Variants in CHD6 observed in about 807,000 individuals in gnomAD.
CHD6 encodes the protein ATP-dependent chromatin remodeler CHD6.
CHD6 carries 50 observed loss-of-function variants against 276.9 expected under a neutral mutation model. The observed-to-expected ratio is 0.18, with a 90% CI of 0.14 to 0.23. CHD6 has a LOEUF of 0.23. CHD6 is among the 10% of genes least tolerant of loss of function. CHD6 has a pLI of 1.00. For synonymous variants in CHD6, 1,173 were observed against 1,229.3 expected (o/e 0.95, Z 0.96); for missense variants, 2,564 against 3,365.8 (o/e 0.76, Z 5.89).
At chr20:41,493,440 G>T (rs1188312266) in intron 10 of CHD6, 98 bp downstream of exon 10, 1 of 1,246,196 alleles carries the variant, frequency 8.0e-7, no homozygotes, top group Admixed American at 2.1e-5. Flanking sequence ...AAATACCACA[G>T]AAACCACCTA....
At chr20:41,532,843 G>T (rs2044721743) in intron 3 of CHD6, among the ~76,000 whole-genome samples, 1 of 152,198 alleles carries the variant, frequency 6.6e-6, no homozygotes, top group African/African-American at 2.4e-5. Context: ...CTTTAGAAAT[G>T]CAATGAGAAA....
chr20:41,427,689 G>A (rs1023710812), intron 27 of CHD6, among the ~76,000 whole-genome samples: 1 of 152,186 alleles, frequency 6.6e-6, no homozygotes, highest in Non-Finnish European at 1.5e-5. Context: ...AACCTCCTTT[G>A]CCTGGGCCAG....
Position 41,421,349 on chromosome 20 carries a change from A to G in CHD6, c.5286T>C (p.Gly1762=), listed in dbSNP as rs1396408255. The G allele has an allele frequency of 6.2e-7, 1 of 1,614,008 alleles. No individual in the cohort carries two copies. The part of the protein sequence containing the change: ...AEIASGPTFM[G]SLEAGGVAQA... ...GAGCTACTCCTCCTGCTTCTAAGCT[A>G]CCCATAAAAGTAGGGCCAGAAGCTA... Residue 1762 remains glycine, a synonymous_variant, in exon 31 of 37, where the codon GGT becomes GGC. Coordinates refer to ENST00000373233, the MANE Select transcript of CHD6 (RefSeq NM_032221.5).
At position 41,508,568 on chromosome 20, in the gene CHD6, C is replaced by A. The variant is rs1191205880; in HGVS notation, c.852+4278G>T. Among the ~76,000 whole-genome samples, 2 of 152,036 alleles carry A rather than the reference C, an allele frequency of 1.3e-5. 1 individual carries two copies. The highest frequency in any genetic ancestry group is 1.3e-4 in the Admixed American group (2 of 15,262). ...GGTGGCAGCAGAAACCAAGAGGAAACAAATACAGGAAACAACCTAAAGACA... is the reference window on the plus strand; with the variant it reads ...GGTGGCAGCAGAAACCAAGAGGAAAAAAATACAGGAAACAACCTAAAGACA... On this transcript the variant is annotated intron_variant, in intron 5 of 36. Coordinates refer to ENST00000373233, the MANE Select transcript of CHD6 (RefSeq NM_032221.5).
At chr20:41,594,933 C>A (rs1483727936) in intron 1 of CHD6, among the ~76,000 whole-genome samples, 2 of 152,222 alleles carry the variant, frequency 1.3e-5, no homozygotes, top group Non-Finnish European at 2.9e-5. Context: ...CAGGTAGCAC[C>A]CTTCTGCAGA....
intron 16 of CHD6, among the ~76,000 whole-genome samples, chr20:41,478,005 C>T (rs753601573): frequency 1.8e-4 from 28 of 152,326 alleles, no homozygotes; most frequent in Non-Finnish European, 3.5e-4. Flanking sequence ...GGAGCCCTTA[C>T]TCTTTCTCAC....
intron 2 of CHD6, 147 bp from the exon 3 acceptor site, chr20:41,533,717 G>A: frequency 1.4e-6 from 1 of 727,712 alleles, no homozygotes; most frequent in South Asian, 1.9e-5. Context: ...AGGCCTTGGA[G>A]ACAGAGTGGC....
At chr20:41,459,239 T>C (rs1005982222) in intron 17 of CHD6, 1 of 152,168 alleles carries the variant, frequency 6.6e-6, no homozygotes, top group Non-Finnish European at 1.5e-5. Context: ...TTCCTATACT[T>C]AGTACTAAAG....
intron 2 of CHD6, among the ~76,000 whole-genome samples, chr20:41,541,808 C>T (rs1281925687): frequency 6.6e-6 from 1 of 152,188 alleles, no homozygotes; most frequent in Non-Finnish European, 1.5e-5. Flanking sequence ...CCCCCAAATA[C>T]TTGACTCTGT....
At chr20:41,449,488 A>G (rs11698341) in intron 23 of CHD6, among the ~76,000 whole-genome samples, 3,143 of 152,288 alleles carry the variant, frequency 0.021, 53 homozygotes, top group Non-Finnish European at 0.034. Flanking sequence ...ATTGAAAGCC[A>G]ATAGTATTCA....
chr20:41,599,917 C>T (rs2045756926), intron 1 of CHD6, among the ~76,000 whole-genome samples: 1 of 152,204 alleles, frequency 6.6e-6, no homozygotes, highest in Non-Finnish European at 1.5e-5. Flanking sequence ...TGTGGTCCAA[C>T]TCCAGCCAAT....
chr20:41,543,880 G>A (rs2044991695), intron 2 of CHD6, among the ~76,000 whole-genome samples: 1 of 152,192 alleles, frequency 6.6e-6, no homozygotes, highest in South Asian at 2.1e-4. Flanking sequence ...AGACGTTCCT[G>A]TTGCACTTTT....
At chr20:41,572,443 C>A (rs2045428150) in intron 1 of CHD6, among the ~76,000 whole-genome samples, 1 of 152,196 alleles carries the variant, frequency 6.6e-6, no homozygotes, top group East Asian at 1.9e-4. Flanking sequence ...AGGCCTCACA[C>A]ACACAATAGC....
Position 41,489,883 on chromosome 20 carries a change from C to T in CHD6, c.1575G>A (p.Glu525=). The T allele has an allele frequency of 1.2e-6, 2 of 1,614,006 alleles. No individual in the cohort carries two copies. The highest frequency in any genetic ancestry group is 2.2e-5 in the East Asian group (1 of 44,844). Residue 525 remains glutamate (E), a synonymous_variant, in exon 12 of 37, where the codon GAG becomes GAA. Transcript: ENST00000373233. The part of the protein sequence containing the change: ...IAPLSTITNW[E]REFRTWTEMN... ...TCTCTGTCCATGTCCGGAACTCCCG[C>T]TCCCAGTTAGTGATGGTGGAGAGAG...
chr20:41,603,150 T>G (rs1002203263), intron 1 of CHD6, among the ~76,000 whole-genome samples: 87 of 150,956 alleles, frequency 5.8e-4, no homozygotes, highest in Middle Eastern at 3.4e-3. Context: ...GTCAGGAGTT[T>G]GAGTCCAGCC....
chr20:41,435,659 G>A (rs1264483224), intron 27 of CHD6, among the ~76,000 whole-genome samples: 1 of 150,366 alleles, frequency 6.7e-6, no homozygotes, highest in Non-Finnish European at 1.5e-5. Flanking sequence ...ATTCAGTACT[G>A]TAAAAACTCA....
intron 17 of CHD6, among the ~76,000 whole-genome samples, chr20:41,468,399 C>T (rs919567248): frequency 3.3e-5 from 5 of 152,114 alleles, no homozygotes; most frequent in African/African-American, 1.2e-4. Flanking sequence ...CATGAGCCAC[C>T]GCGCCCAGCC....
Position 41,405,407 on chromosome 20 carries a change from C to T in CHD6, c.7334G>A (p.Arg2445Gln), listed in dbSNP as rs567134023. 4.5e-5 allele frequency: 72 copies of T among 1,613,316 alleles called. No homozygotes were observed. The highest frequency in any genetic ancestry group is 5.3e-5 in the Non-Finnish European group (62 of 1,179,386). Residue 2445 changes from arginine to glutamine, a missense_variant, in exon 37 of 37, where the codon CGG becomes CAG. Physicochemically the swap from Arg to Gln is conservative, Grantham distance 43. This residue lies in a region of CHD6 where 1,024 missense variants were observed against 1,047.9 expected (regional missense o/e 0.98). Transcript: ENST00000373233. ...AGCCTTCAGGAGTTCGCTCCGAGGC[C>T]GCCTCCCCCTCCTGCGGGGGCCCGT... is the stretch of plus-strand genomic sequence containing the variant. ...RDTGPRRRGR[R>Q]PRSELLKAPS...
At chr20:41,439,883 G>A in intron 26 of CHD6, 117 bp downstream of exon 26, 2 of 1,037,248 alleles carry the variant, frequency 1.9e-6, no homozygotes, top group Non-Finnish European at 1.4e-6. Context: ...AGTGTGGCAA[G>A]GTGTAGGGAG....
Sources: gnomAD v4.1 joint callset for allele counts (sites outside exome capture counted in the v4.1 genomes callset) on GRCh38, gnomAD v4.1.1 for gene constraint, gnomAD v4.1.1 regional missense constraint, MANE v1.5 for transcripts, NCBI Gene and HGNC (gene_info 2026-07-23, HGNC 2026-07-21) for gene names.